CELSR1: variants seen among roughly 807,000 people sequenced by gnomAD.
The protein encoded by CELSR1 is cadherin EGF LAG seven-pass G-type receptor 1.
A neutral mutation model predicts 249.1 loss-of-function variants in CELSR1; 110 were observed. That is an observed-to-expected ratio of 0.44 (90% CI 0.38 to 0.52). The LOEUF is 0.52. CELSR1 is among the 20% of genes least tolerant of loss of function. CELSR1 has a pLI of 0.00. For missense variants in CELSR1, 4,109 were observed against 4,296.4 expected (o/e 0.96, Z 1.22); for synonymous variants, 2,113 against 1,900.0 (o/e 1.11, Z -2.92).
intron 2 of CELSR1, among the ~76,000 whole-genome samples, chr22:46,460,700 C>T (rs2080015910): frequency 1.3e-5 from 2 of 152,172 alleles, no homozygotes; most frequent in African/African-American, 4.8e-5. Context: ...GATGCCGGAG[C>T]CTTAAGGCTT....
At position 46,526,652 on chromosome 22, in the gene CELSR1, G is replaced by A. The variant is rs541506171; in HGVS notation, c.3544+6975C>T. 1.4e-4 allele frequency among the ~76,000 whole-genome samples: 21 copies of A among 152,114 alleles called. No homozygotes were observed. Among genetic ancestry groups the A allele is most frequent in the Non-Finnish European group, 2.6e-4 (18 of 68,028 alleles). Reference sequence around the variant, plus strand: ...GACACTCGCCCTCCCTCAGCCTCCAGGGCCTGCACCCGTGGGCCCTCCCCT... The same window carrying A: ...GACACTCGCCCTCCCTCAGCCTCCAAGGCCTGCACCCGTGGGCCCTCCCCT... On this transcript the variant is annotated intron_variant, in intron 1 of 34. Coordinates refer to ENST00000674500, the MANE Select transcript of CELSR1 (RefSeq NM_001378328.1). This position sits in a 1 kb window ranked among gnomAD's most constrained non-coding sequence, Gnocchi z 4.7.
At chr22:46,487,468 C>A (rs1318676506) in intron 1 of CELSR1, among the ~76,000 whole-genome samples, 1 of 142,032 alleles carries the variant, frequency 7.0e-6, no homozygotes, top group African/African-American at 2.7e-5. Flanking sequence ...CACAGTCCTG[C>A]CCTCAAGGTG....
intron 26 of CELSR1, 104 bp downstream of exon 26, chr22:46,369,588 C>T (rs1481042252): frequency 9.8e-6 from 10 of 1,020,312 alleles, no homozygotes; most frequent in Middle Eastern, 2.3e-4. Flanking sequence ...TCCTGCCCCC[C>T]GTCGGCTGCT....
chr22:46,528,080 G>T (rs1163049055), intron 1 of CELSR1, among the ~76,000 whole-genome samples: 14 of 134,624 alleles, frequency 1.0e-4, no homozygotes, highest in Admixed American at 9.6e-4. Context: ...TCCAGCCTGG[G>T]AGACAGAGCA....
chr22:46,432,952 T>G (rs1335388399), intron 5 of CELSR1, among the ~76,000 whole-genome samples: 1 of 152,222 alleles, frequency 6.6e-6, no homozygotes, highest in African/African-American at 2.4e-5. Flanking sequence ...CCTAAACCAT[T>G]TTTTCCAATA....
intron 2 of CELSR1, among the ~76,000 whole-genome samples, chr22:46,444,159 G>C (rs1204460474): frequency 2.0e-5 from 3 of 152,242 alleles, no homozygotes; most frequent in African/African-American, 7.2e-5. Context: ...GGTCCCACCT[G>C]CTCCGGGTCG....
rs2078894282 is a variant in CELSR1, at chr22:46,374,346, G to A, written c.7585-1289C>T. On this transcript the variant is annotated intron_variant, in intron 24 of 34. Transcript: ENST00000674500. The surrounding 1 kb of genome is among the most constrained non-coding windows in gnomAD (Gnocchi z 4.3). The stretch of plus-strand genomic sequence containing the variant: ...GTGCGAGGGCTGTGCCATCCTGGCT[G>A]CAGCAGGGTCGTACCTGCTTCCCTA... Among the ~76,000 whole-genome samples the A allele has an allele frequency of 6.6e-6, 1 of 152,228 alleles. No homozygotes were observed. Among genetic ancestry groups the A allele is most frequent in the Non-Finnish European group, 1.5e-5 (1 of 68,042 alleles).
intron 20 of CELSR1, among the ~76,000 whole-genome samples, chr22:46,382,942 A>C (rs2147223428): frequency 6.6e-6 from 1 of 152,208 alleles, no homozygotes; most frequent in East Asian, 1.9e-4. Flanking sequence ...GGCTGGAAAG[A>C]GTTCTGGAGA....
chr22:46,534,817 T>A lies in CELSR1; in HGVS notation c.2354A>T (p.His785Leu). The A allele has an allele frequency of 6.2e-7, 1 of 1,613,038 alleles. No individual in the cohort carries two copies. Among genetic ancestry groups the A allele is most frequent in the Non-Finnish European group, 8.5e-7 (1 of 1,179,950 alleles). ...VLINVTDANT[H>L]RPVFQSSHYT... ...ATGGGAGCTCTGAAAGACAGGCCTG[T>A]GGGTGTTGGCATCAGTGACGTTGAT... is the stretch of plus-strand genomic sequence containing the variant. Residue 785 changes from histidine (H) to leucine (L), a missense_variant, in exon 1 of 35, where the codon CAC becomes CTC. By Grantham distance (99) the His-to-Leu change is moderately conservative. This residue lies in a region of CELSR1 where 886 missense variants were observed against 896.5 expected (regional missense o/e 0.99). Coordinates refer to ENST00000674500, the MANE Select transcript of CELSR1 (RefSeq NM_001378328.1). This position sits in a 1 kb window ranked among gnomAD's most constrained non-coding sequence, Gnocchi z 9.7.
intron 2 of CELSR1, among the ~76,000 whole-genome samples, chr22:46,455,947 GA>G (rs1483811832): frequency 6.6e-6 from 1 of 152,210 alleles, no homozygotes; most frequent in Non-Finnish European, 1.5e-5. Context: ...TCAAAACCTG[GA>G]CTCTGTACAA....
chr22:46,387,290 T>C (rs1329291126), intron 18 of CELSR1, among the ~76,000 whole-genome samples: 1 of 152,210 alleles, frequency 6.6e-6, no homozygotes, highest in African/African-American at 2.4e-5. Context: ...TTTAAAATAC[T>C]TAGGGGAATT....
chr22:46,535,741 G>A lies in CELSR1; in HGVS notation c.1430C>T (p.Ala477Val). The A allele has an allele frequency of 1.2e-6, 2 of 1,612,506 alleles. No homozygotes were observed. Among genetic ancestry groups the A allele is most frequent in the African/African-American group, 1.3e-5 (1 of 75,050 alleles). Residue 477 changes from alanine to valine, a missense_variant, in exon 1 of 35, where the codon GCT (alanine) becomes GTT (valine). Ala to Val is a moderately conservative substitution (Grantham distance 64). Coordinates refer to ENST00000674500, the MANE Select transcript of CELSR1 (RefSeq NM_001378328.1). ...GTCCGTGGCCTGCACTCGCAGCACA[G>A]CCGTGTTGAGCCCCACGTCCTCGGG... Reference protein sequence around the residue: ...QVPEDVGLNTAVLRVQATDRD... With the variant: ...QVPEDVGLNTVVLRVQATDRD...
rs975901975 is a variant in CELSR1, at chr22:46,391,008, C to A, written c.6250+178G>T. Among the ~76,000 whole-genome samples the A allele has an allele frequency of 6.6e-6, 1 of 152,242 alleles. No individual in the cohort carries two copies. Among genetic ancestry groups the A allele is most frequent in the East Asian group, 1.9e-4 (1 of 5,198 alleles). ...CGCTGCACTGTTCATGTTTCTGTTG[C>A]GCCCTCTGCCTGCTTTGTGTATTTC... On this transcript the variant is annotated intron_variant, in intron 16 of 34. Transcript: ENST00000674500. This position sits in a 1 kb window ranked among gnomAD's most constrained non-coding sequence, Gnocchi z 4.3.
rs2079093261 is a variant in CELSR1 at position 46,391,649 on chromosome 22, G to A, written c.6132C>T (p.Thr2044=). 1.9e-6 allele frequency: 3 copies of A among 1,604,056 alleles called. No homozygotes were observed. Among genetic ancestry groups the A allele is most frequent in the African/African-American group, 1.3e-5 (1 of 74,812 alleles). The change falls in exon 15 of 35, where the codon ACC becomes ACT. Residue 2044 remains threonine (T), a synonymous_variant. Transcript: ENST00000674500. This position sits in a 1 kb window ranked among gnomAD's most constrained non-coding sequence, Gnocchi z 4.3. ...NRCDNPFAEV[T]TLGCEVIYNG... ...AACGCGGACCTTCACAGCCGAGCGT[G>A]GTGACCTCGGCAAACGGGTTGTCGC...
At chr22:46,444,563 A>C (rs1428510606) in intron 2 of CELSR1, among the ~76,000 whole-genome samples, 1 of 152,056 alleles carries the variant, frequency 6.6e-6, no homozygotes, top group Non-Finnish European at 1.5e-5. Context: ...TCTCCATGGA[A>C]TTGTTGGTTT....
rs1447111530 is a variant in CELSR1, at chr22:46,445,264, C to G, written c.4184-5853G>C. On this transcript the variant is annotated intron_variant, in intron 2 of 34. Transcript: ENST00000674500. This position sits in a 1 kb window ranked among gnomAD's most constrained non-coding sequence, Gnocchi z 4.4. Reference sequence around the variant, plus strand: ...ATCCCAGCACTTTGGGAGGCCGAGGCAGGTGGATCACCTGAGGTCAGGAGT... The same window carrying G: ...ATCCCAGCACTTTGGGAGGCCGAGGGAGGTGGATCACCTGAGGTCAGGAGT... Among the ~76,000 whole-genome samples, 1 of 152,028 alleles carries G rather than the reference C, an allele frequency of 6.6e-6. No homozygotes were observed. The highest frequency in any genetic ancestry group is 2.4e-5 in the African/African-American group (1 of 41,388).
At chr22:46,367,882 G>A (rs1235986105) in intron 27 of CELSR1, 27 bp from the exon 28 acceptor site, 4 of 1,596,162 alleles carry the variant, frequency 2.5e-6, no homozygotes, top group South Asian at 1.1e-5. Flanking sequence ...TCAGGCCTGT[G>A]CCCATCGCCA....
At position 46,534,997 on chromosome 22, in the gene CELSR1, G is replaced by C; in HGVS notation, c.2174C>G (p.Thr725Arg). The change falls in exon 1 of 35, where the codon ACA becomes AGA. Residue 725 changes from threonine to arginine, a missense_variant. By Grantham distance (71) the Thr-to-Arg change is moderately conservative. Around this residue, in one of 7 missense-constraint regions of CELSR1, gnomAD observed 886 missense variants for 896.5 expected, o/e 0.99. Coordinates refer to ENST00000674500, the MANE Select transcript of CELSR1 (RefSeq NM_001378328.1). This position sits in a 1 kb window ranked among gnomAD's most constrained non-coding sequence, Gnocchi z 9.7. ...AAAGCGGTTCCGGGTGTTGCCGCCT[G>C]TGAGCTGGTAGGTAATCACACTGTT... Reference protein sequence around the residue: ...DANSVITYQLTGGNTRNRFAL... With the variant: ...DANSVITYQLRGGNTRNRFAL... 1 of 1,612,066 alleles carries C rather than the reference G, an allele frequency of 6.2e-7. No homozygotes were observed. The highest frequency in any genetic ancestry group is 2.2e-5 in the East Asian group (1 of 44,850).
chr22:46,389,781 G>A (rs752976199), intron 17 of CELSR1, among the ~76,000 whole-genome samples: 22 of 149,274 alleles, frequency 1.5e-4, no homozygotes, highest in Non-Finnish European at 3.1e-4. Context: ...TCTACTCTAT[G>A]TCTCTATTTT....
Sources: gnomAD v4.1 joint callset for allele counts (sites outside exome capture counted in the v4.1 genomes callset) on GRCh38, gnomAD v4.1.1 for gene constraint, gnomAD v4.1.1 regional missense constraint, Gnocchi (gnomAD v3.1) non-coding constraint, MANE v1.5 for transcripts, NCBI Gene and HGNC (gene_info 2026-07-23, HGNC 2026-07-21) for gene names.